BICD1: variants seen among roughly 807,000 people sequenced by gnomAD.
BICD1 encodes protein bicaudal D homolog 1.
BICD1 carries 35 observed loss-of-function variants against 92.5 expected under a neutral mutation model. The ratio of observed to expected loss-of-function variants is 0.38; its 90% CI spans 0.29 to 0.50. The LOEUF is 0.50. Ranked by LOEUF, BICD1 falls within the 20% of genes least tolerant of loss-of-function variation. The pLI is 0.93. For synonymous variants in BICD1, 429 were observed against 465.1 expected, an observed-to-expected ratio of 0.92 and a Z score of 1.00; for missense variants, 950 against 1,189.8, an observed-to-expected ratio of 0.80 and a Z score of 2.97.
intron 1 of BICD1, among the ~76,000 whole-genome samples, chr12:32,204,990 G>A (rs576785337): frequency 6.6e-6 from 1 of 152,298 alleles, no homozygotes; most frequent in South Asian, 2.1e-4. Context: ...GAGGAAATAA[G>A]GGTGATAGAG....
Position 32,182,101 on chromosome 12 carries a change from A to G in BICD1, c.214-34146A>G, listed in dbSNP as rs954066840. On this transcript the variant is annotated intron_variant, in intron 1 of 9. Transcript: ENST00000652176. ...TTCCATTGCAAATAAAGCAGAATTTAAAGAATATCAATGTAAAACAGGAAA... is the reference window on the plus strand; with the variant it reads ...TTCCATTGCAAATAAAGCAGAATTTGAAGAATATCAATGTAAAACAGGAAA... Among the ~76,000 whole-genome samples, 5 of 152,042 alleles carry G rather than the reference A, an allele frequency of 3.3e-5. No homozygotes were observed. The South Asian group carries it at 1.0e-3, about 32-fold the overall frequency.
intron 9 of BICD1, among the ~76,000 whole-genome samples, chr12:32,376,086 A>ATT (rs11378740): frequency 0.065 from 9,082 of 140,440 alleles, 432 homozygotes; most frequent in South Asian, 0.13. Flanking sequence ...TGCTAGTCAC[A>ATT]TTTTTTTTTT....
intron 1 of BICD1, among the ~76,000 whole-genome samples, chr12:32,127,431 T>G (rs1942384847): frequency 6.6e-6 from 1 of 152,186 alleles, no homozygotes; most frequent in Non-Finnish European, 1.5e-5. Flanking sequence ...GAACAGTTGA[T>G]CTTTCCTGCA....
chr12:32,125,048 T>C (rs1942280979), intron 1 of BICD1, among the ~76,000 whole-genome samples: 1 of 152,208 alleles, frequency 6.6e-6, no homozygotes, highest in Admixed American at 6.5e-5. Flanking sequence ...TGTTTGAGCC[T>C]TCTGGGCTCC....
chr12:32,377,003 A>G (rs1212359297), intron 9 of BICD1, among the ~76,000 whole-genome samples: 5 of 152,176 alleles, frequency 3.3e-5, no homozygotes, highest in Non-Finnish European at 5.9e-5. Flanking sequence ...GATCTACCAG[A>G]TAACTATAGA....
intron 1 of BICD1, among the ~76,000 whole-genome samples, chr12:32,136,460 G>A (rs533489102): frequency 6.6e-6 from 1 of 152,224 alleles, no homozygotes; most frequent in Non-Finnish European, 1.5e-5. Context: ...TGGGCCAAAT[G>A]CAGGGCTGGG....
chr12:32,178,072 G>A (rs943182384), intron 1 of BICD1, among the ~76,000 whole-genome samples: 6 of 151,500 alleles, frequency 4.0e-5, no homozygotes, highest in African/African-American at 1.5e-4. Flanking sequence ...GTTATTTCTA[G>A]AAGTATGAAT....
At chr12:32,368,660 A>G (rs1565701105) in intron 9 of BICD1, among the ~76,000 whole-genome samples, 1 of 152,152 alleles carries the variant, frequency 6.6e-6, no homozygotes, top group Non-Finnish European at 1.5e-5. Context: ...GTGCCACTGC[A>G]CTCCAGCCTA....
chr12:32,219,362 T>C (rs771377562), intron 2 of BICD1, among the ~76,000 whole-genome samples: 2 of 152,180 alleles, frequency 1.3e-5, no homozygotes, highest in Non-Finnish European at 2.9e-5. Context: ...AGTTACAGGA[T>C]AGTATGGTGG....
chr12:32,350,317 T>C (rs1457548155), intron 8 of BICD1, among the ~76,000 whole-genome samples: 1 of 151,990 alleles, frequency 6.6e-6, no homozygotes. Flanking sequence ...ACCCTGTCTC[T>C]ACAAAAAAAA....
chr12:32,332,526 A>C, intron 5 of BICD1: 2 of 838,600 alleles, frequency 2.4e-6, no homozygotes, highest in Non-Finnish European at 2.9e-6. Context: ...TAGATGCTGA[A>C]GATTCAAAGA....
Position 32,377,651 on chromosome 12 carries a change from T to A in BICD1, c.*24T>A. 2 of 1,591,924 alleles carry A rather than the reference T, an allele frequency of 1.3e-6. No individual in the cohort carries two copies. The highest frequency in any genetic ancestry group is 1.7e-6 in the Non-Finnish European group (2 of 1,159,952). Reference sequence around the variant, plus strand: ...AGTCTTCATCTCCTGTGGACGAACATCTGGGGTGGAAGTTTTGTAGCCACA... The same window carrying A: ...AGTCTTCATCTCCTGTGGACGAACAACTGGGGTGGAAGTTTTGTAGCCACA... On this transcript the variant is annotated 3_prime_UTR_variant, in exon 10 of 10. Coordinates refer to ENST00000652176, the MANE Select transcript of BICD1 (RefSeq NM_001714.4).
chr12:32,161,301 T>A (rs753612524), intron 1 of BICD1, among the ~76,000 whole-genome samples: 24 of 152,136 alleles, frequency 1.6e-4, no homozygotes, highest in Non-Finnish European at 2.6e-4. Flanking sequence ...ATTAGTGAAA[T>A]CAATATGATT....
At chr12:32,204,887 G>A (rs1945003997) in intron 1 of BICD1, among the ~76,000 whole-genome samples, 1 of 152,128 alleles carries the variant, frequency 6.6e-6, no homozygotes, top group African/African-American at 2.4e-5. Flanking sequence ...CAGTCTCAAT[G>A]TTACCCCACG....
chr12:32,224,813 TGCCTCA>T (rs1316657086), intron 2 of BICD1, among the ~76,000 whole-genome samples: 1 of 152,154 alleles, frequency 6.6e-6, no homozygotes, highest in African/African-American at 2.4e-5. Flanking sequence ...GCGATTCTCC[TGCCTCA>T]GCCTCCTGAG....
intron 1 of BICD1, among the ~76,000 whole-genome samples, chr12:32,129,264 C>G (rs1328299023): frequency 6.6e-6 from 1 of 151,218 alleles, no homozygotes; most frequent in African/African-American, 2.4e-5. Context: ...GTGGCTTATG[C>G]CTGTAATCCC....
intron 1 of BICD1, among the ~76,000 whole-genome samples, chr12:32,134,454 GC>G (rs1446515145): frequency 2.0e-5 from 3 of 152,180 alleles, no homozygotes; most frequent in African/African-American, 7.2e-5. Context: ...CCAATGGGTG[GC>G]AGATACAGGG....
chr12:32,347,737 G>C (rs1938684297), intron 8 of BICD1, among the ~76,000 whole-genome samples: 1 of 151,012 alleles, frequency 6.6e-6, no homozygotes, highest in African/African-American at 2.4e-5. Context: ...TAATTACTTA[G>C]GTATATCCTA....
intron 1 of BICD1, among the ~76,000 whole-genome samples, chr12:32,171,619 T>C (rs1394348279): frequency 6.6e-6 from 1 of 152,078 alleles, no homozygotes; most frequent in African/African-American, 2.4e-5. Flanking sequence ...TTGTTGGTGG[T>C]TTTTATATTT....
Sources: gnomAD v4.1 joint callset for allele counts (sites outside exome capture counted in the v4.1 genomes callset) on GRCh38, gnomAD v4.1.1 for gene constraint, MANE v1.5 for transcripts, NCBI Gene and HGNC (gene_info 2026-07-23, HGNC 2026-07-21) for gene names.